The following FBXO25 variants were observed in gnomAD, a reference collection of about 807,000 sequenced individuals.
FBXO25 encodes the protein F-box only protein 25.
Under a neutral mutation model 51.9 loss-of-function variants are expected in FBXO25, and 45 were observed. That is an observed-to-expected ratio of 0.87 (90% CI 0.68 to 1.11). The LOEUF (loss-of-function observed/expected upper bound fraction) is 1.11, where lower values mean the gene tolerates loss of function less well. Ranked by LOEUF, FBXO25 falls within the 50% of genes most tolerant of loss-of-function variation. The probability of loss-of-function intolerance (pLI) is 0.00; values close to 1 mark genes in which losing one functional copy is unlikely to be tolerated. For missense variants in FBXO25, 507 were observed against 428.5 expected (o/e 1.18, Z -1.62); for synonymous variants, 199 against 151.0 (o/e 1.32, Z -2.33).
chr8:409,241 A>T (rs1796346586), intron 1 of FBXO25, among the ~76,000 whole-genome samples: 1 of 152,190 alleles, frequency 6.6e-6, no homozygotes. Flanking sequence ...AGCTGTATAG[A>T]TTATGCTTTA....
chr8:433,471 C>G, intron 4 of FBXO25, among the ~76,000 whole-genome samples: 1 of 152,152 alleles, frequency 6.6e-6, no homozygotes, highest in Admixed American at 6.5e-5. Context: ...TGAGCCCTCT[C>G]ATTCCACATA....
chr8:426,814 G>A (rs1207383783), intron 2 of FBXO25, among the ~76,000 whole-genome samples: 1 of 152,066 alleles, frequency 6.6e-6, no homozygotes, highest in Non-Finnish European at 1.5e-5. Context: ...GCTCCACCTG[G>A]CCTTGGTGCT....
rs563140807 is a variant in FBXO25, at chr8:423,132, C to A, written c.135-8209C>A. Among the ~76,000 whole-genome samples, 3 of 152,294 alleles carry A rather than the reference C, an allele frequency of 2.0e-5. 1 individual carries two copies. The highest frequency in any genetic ancestry group is 6.5e-5 in the Admixed American group (1 of 15,296). ...TACCTCTTTTTCCCATACTAAATTT[C>A]CATGGGCAATTGGGACTACAGGGTT... On this transcript the variant is annotated intron_variant, in intron 2 of 9. Transcript: ENST00000350302.
At chr8:459,775 G>C (rs979673009) in intron 8 of FBXO25, among the ~76,000 whole-genome samples, 1 of 152,184 alleles carries the variant, frequency 6.6e-6, no homozygotes, top group Non-Finnish European at 1.5e-5. Context: ...ATCAGCCTGG[G>C]CAGGGCCTCA....
chr8:469,452 G>A lies in FBXO25; in HGVS notation c.*648G>A, dbSNP rs1386419999. 2.0e-5 allele frequency: 3 copies of A among 152,498 alleles called. No individual in the cohort carries two copies. The highest frequency in any genetic ancestry group is 7.2e-5 in the African/African-American group (3 of 41,458). 9.4% of individuals were successfully genotyped at this position (152,498 alleles called of 1,614,324 possible). A position where few individuals can be genotyped will look rare whatever the true frequency, so the allele number is the denominator to read the frequency against. On this transcript the variant is annotated 3_prime_UTR_variant, in exon 10 of 10. Transcript: ENST00000350302. ...GGTTCTGGCAGGGCACCCCTGCTGGGGTTGGGGGCTGGTCTGTGCATAATC... is the reference window on the plus strand; with the variant it reads ...GGTTCTGGCAGGGCACCCCTGCTGGAGTTGGGGGCTGGTCTGTGCATAATC...
chr8:449,901 A>C, intron 5 of FBXO25, 89 bp from the exon 6 acceptor site: 5 of 866,010 alleles, frequency 5.8e-6, no homozygotes, highest in Non-Finnish European at 9.3e-6. Flanking sequence ...CATGTTAGAA[A>C]TCTTCATGCA....
rs796878891 is a variant in FBXO25 at position 471,274 on chromosome 8, G to A, written c.*2470G>A. On this transcript the variant is annotated 3_prime_UTR_variant, in exon 10 of 10. Coordinates refer to ENST00000350302, the MANE Select transcript of FBXO25 (RefSeq NM_183420.2). ...CAGGGATGGCTTACATTGCTGGGGAGAGATTGAAAGGTTAATGGAGGGTAT... is the reference window on the plus strand; with the variant it reads ...CAGGGATGGCTTACATTGCTGGGGAAAGATTGAAAGGTTAATGGAGGGTAT... 3.2e-4 allele frequency: 48 copies of A among 152,354 alleles called. No individual in the cohort carries two copies. Among genetic ancestry groups the A allele is most frequent in the African/African-American group, 1.1e-3 (45 of 41,572 alleles). The allele number at this position is 152,354 out of a possible 1,614,324, so 9.4% of individuals were successfully genotyped here.
chr8:452,583 G>C (rs530198435), intron 7 of FBXO25, among the ~76,000 whole-genome samples: 1 of 152,224 alleles, frequency 6.6e-6, no homozygotes, highest in Admixed American at 6.5e-5. Context: ...GTGACCTTCT[G>C]GGGAGAGAAT....
Position 469,072 on chromosome 8 carries a change from A to C in FBXO25, c.*268A>C. 5.8e-6 allele frequency: 2 copies of C among 342,090 alleles called. No individual in the cohort carries two copies. The highest frequency in any genetic ancestry group is 5.2e-6 in the Non-Finnish European group (1 of 190,792). The allele number at this position is 342,090 out of a possible 1,614,324, so 21.2% of individuals were successfully genotyped here. On this transcript the variant is annotated 3_prime_UTR_variant, in exon 10 of 10. Transcript: ENST00000350302. ...TTTTGCGTACTCTCTCTCTCTATAT[A>C]TATAGTTCAAAAATACTTTAGGTGG...
chr8:440,180 G>T (rs553440946), intron 5 of FBXO25, among the ~76,000 whole-genome samples: 91 of 152,294 alleles, frequency 6.0e-4, no homozygotes, highest in African/African-American at 2.1e-3. Context: ...TTTACTCAGG[G>T]ATCTCAAGCA....
intron 9 of FBXO25, chr8:468,067 A>G: frequency 8.7e-7 from 1 of 1,149,944 alleles, no homozygotes; most frequent in Non-Finnish European, 1.1e-6. Context: ...CACTGACCCC[A>G]GAGCCTCTGG....
rs1797814448 is a variant in FBXO25, at chr8:431,413, G to T, written c.207G>T (p.Lys69Asn). The T allele has an allele frequency of 6.5e-7, 1 of 1,541,650 alleles. No individual in the cohort carries two copies. The change falls in exon 3 of 10, where the codon AAG (lysine) becomes AAT (asparagine). Residue 69 changes from lysine (K) to asparagine (N), a missense_variant. Physicochemically the swap from Lys to Asn is moderately conservative, Grantham distance 94. Transcript: ENST00000350302. ...EHEYASKKRK[K>N]DHFRNDTNTQ... is the part of the protein sequence containing the mutation. ...AATATGCATCGAAAAAAAGGAAAAA[G>T]GACCATTTTAGAAATGACACAAATA...
At chr8:417,925 G>T (rs1428294714) in intron 2 of FBXO25, among the ~76,000 whole-genome samples, 1 of 152,194 alleles carries the variant, frequency 6.6e-6, no homozygotes, top group East Asian at 1.9e-4. Context: ...TGAAATCTAA[G>T]GTCCTAATAG....
intron 5 of FBXO25, among the ~76,000 whole-genome samples, chr8:447,091 A>T (rs1798782406): frequency 6.6e-6 from 1 of 152,208 alleles, no homozygotes; most frequent in Non-Finnish European, 1.5e-5. Flanking sequence ...CCAGGTCTAG[A>T]AGTCGAGCCC....
intron 2 of FBXO25, 69 bp downstream of exon 2, chr8:413,282 G>A: frequency 1.4e-6 from 2 of 1,398,874 alleles, no homozygotes; most frequent in South Asian, 2.0e-5. Context: ...TATTTTTCAA[G>A]TCCCTGCAAA....
chr8:466,227 C>T lies in FBXO25; in HGVS notation c.988-2488C>T, dbSNP rs115167256. Among the ~76,000 whole-genome samples the T allele has an allele frequency of 6.5e-3, 993 of 152,360 alleles. 14 individuals are homozygous for T. Among genetic ancestry groups the T allele is most frequent in the African/African-American group, 0.023 (945 of 41,594 alleles). Reference sequence around the variant, plus strand: ...TTCTTGCCCTGTCTTCCATCTCCTCCGCCGTGGGTTTGCCCAGTGTGGCTA... The same window carrying T: ...TTCTTGCCCTGTCTTCCATCTCCTCTGCCGTGGGTTTGCCCAGTGTGGCTA... On this transcript the variant is annotated intron_variant, in intron 9 of 9. Coordinates refer to ENST00000350302, the MANE Select transcript of FBXO25 (RefSeq NM_183420.2).
chr8:443,235 C>T (rs1466946729), intron 5 of FBXO25, among the ~76,000 whole-genome samples: 1 of 150,546 alleles, frequency 6.6e-6, no homozygotes, highest in Non-Finnish European at 1.5e-5. Context: ...TACGGCATGC[C>T]AAAAAAAGTT....
intron 7 of FBXO25, among the ~76,000 whole-genome samples, chr8:455,509 G>A (rs1473885792): frequency 1.3e-5 from 2 of 152,192 alleles, no homozygotes; most frequent in Admixed American, 6.5e-5. Flanking sequence ...ACACGGACTT[G>A]GGGCCAGGCA....
chr8:441,412 C>T (rs905372989), intron 5 of FBXO25, among the ~76,000 whole-genome samples: 2 of 152,160 alleles, frequency 1.3e-5, no homozygotes, highest in African/African-American at 4.8e-5. Context: ...ACCATAAAAA[C>T]CCTACAAGAA....
Sources: gnomAD v4.1 joint callset for allele counts (sites outside exome capture counted in the v4.1 genomes callset) on GRCh38, gnomAD v4.1.1 for gene constraint, MANE v1.5 for transcripts, NCBI Gene and HGNC (gene_info 2026-07-23, HGNC 2026-07-21) for gene names.